The following SORCS2 variants were observed in gnomAD, a reference collection of about 807,000 sequenced individuals.
SORCS2 encodes the protein sortilin related VPS10 domain containing receptor 2, also known as VPS10 domain-containing receptor SorCS2.
In SORCS2, 100 loss-of-function variants were observed where a neutral mutation model predicts 141.6. The observed-to-expected ratio is 0.71, with a 90% CI of 0.60 to 0.83. The LOEUF is 0.83. Among genes scored for constraint, SORCS2 ranks in the 40% least tolerant of loss-of-function variants. SORCS2 has a pLI of 0.00. For synonymous variants in SORCS2, 789 were observed against 676.9 expected (o/e 1.17, Z -2.57); for missense variants, 1,646 against 1,560.2 (o/e 1.05, Z -0.93).
intron 14 of SORCS2, among the ~76,000 whole-genome samples, chr4:7,706,664 G>A (rs1264634743): frequency 1.3e-4 from 20 of 149,602 alleles, no homozygotes; most frequent in Non-Finnish European, 2.7e-4. Flanking sequence ...CCTGGGCAGG[G>A]ATGAGGCTGG....
chr4:7,583,048 G>C (rs1716266515), intron 3 of SORCS2, among the ~76,000 whole-genome samples: 1 of 152,124 alleles, frequency 6.6e-6, no homozygotes, highest in South Asian at 2.1e-4. Context: ...CATTCCTTAG[G>C]ACTTTGGCAA....
chr4:7,254,774 G>A (rs1713734718), intron 1 of SORCS2, among the ~76,000 whole-genome samples: 1 of 152,126 alleles, frequency 6.6e-6, no homozygotes, highest in Non-Finnish European at 1.5e-5. Context: ...CTTGGACCTC[G>A]GGTTCTGCAT....
intron 1 of SORCS2, among the ~76,000 whole-genome samples, chr4:7,205,908 T>C (rs1727705623): frequency 6.6e-6 from 1 of 152,018 alleles, no homozygotes; most frequent in Non-Finnish European, 1.5e-5. Flanking sequence ...TAGCTGGGCA[T>C]GGTGGCAGAC....
intron 19 of SORCS2, 110 bp downstream of exon 19, chr4:7,723,993 C>A: frequency 7.6e-7 from 1 of 1,307,212 alleles, no homozygotes; most frequent in Non-Finnish European, 1.0e-6. Flanking sequence ...CCCTGGTACT[C>A]AGGACGGTGA....
chr4:7,268,941 A>G (rs1244482617), intron 1 of SORCS2, among the ~76,000 whole-genome samples: 1 of 151,810 alleles, frequency 6.6e-6, no homozygotes, highest in Non-Finnish European at 1.5e-5. Flanking sequence ...GGAAGGAGGG[A>G]GGTGGCAGGA....
At chr4:7,322,550 G>C (rs1322102722) in intron 1 of SORCS2, among the ~76,000 whole-genome samples, 1 of 152,160 alleles carries the variant, frequency 6.6e-6, no homozygotes, top group East Asian at 1.9e-4. Flanking sequence ...GGGGTTCACT[G>C]GGTGAATACT....
At chr4:7,445,510 G>A (rs11729625) in intron 2 of SORCS2, among the ~76,000 whole-genome samples, 98,037 of 151,516 alleles carry the variant, frequency 0.65, 33,681 homozygotes, top group East Asian at 0.83. Context: ...CCTGGGGCGC[G>A]GCAGCAGGTC....
chr4:7,568,924 T>C (rs1040885677), intron 3 of SORCS2, among the ~76,000 whole-genome samples: 58 of 151,908 alleles, frequency 3.8e-4, no homozygotes, highest in African/African-American at 1.4e-3. Flanking sequence ...ATCTCAAAGG[T>C]GGTATGGGAA....
intron 12 of SORCS2, among the ~76,000 whole-genome samples, chr4:7,702,182 C>G (rs918179792): frequency 6.6e-6 from 1 of 152,304 alleles, no homozygotes; most frequent in East Asian, 1.9e-4. Flanking sequence ...TCCTCTGTCC[C>G]CTCCTGGGCT....
At chr4:7,730,343 C>T (rs1711565212) in intron 23 of SORCS2, among the ~76,000 whole-genome samples, 1 of 152,162 alleles carries the variant, frequency 6.6e-6, no homozygotes, top group East Asian at 1.9e-4. Context: ...AGCTGCTGTG[C>T]AAAACGGGCT....
rs1257005880 is a variant in SORCS2 at position 7,286,047 on chromosome 4, C to T, written c.480+92921C>T. 6.6e-6 allele frequency among the ~76,000 whole-genome samples: 1 copy of T among 152,210 alleles called. No homozygotes were observed. Among genetic ancestry groups the T allele is most frequent in the African/African-American group, 2.4e-5 (1 of 41,450 alleles). ...AGAGCCAGCTGCCCCGCCGGGGGCT[C>T]CCTGCCTGCCTCCCATCCATCTTCC... On this transcript the variant is annotated intron_variant, in intron 1 of 26. Transcript: ENST00000507866. This position sits in a 1 kb window ranked among gnomAD's most constrained non-coding sequence, Gnocchi z 4.1.
intron 1 of SORCS2, among the ~76,000 whole-genome samples, chr4:7,294,687 C>A (rs1373279830): frequency 7.6e-6 from 1 of 130,882 alleles, no homozygotes; most frequent in Non-Finnish European, 1.7e-5. Flanking sequence ...CCTCCTCCTC[C>A]CCCTCATCCT....
chr4:7,728,003 A>G (rs750122687), intron 21 of SORCS2, among the ~76,000 whole-genome samples: 107 of 152,324 alleles, frequency 7.0e-4, no homozygotes, highest in Non-Finnish European at 1.1e-3. Flanking sequence ...GGCAAATCTC[A>G]CAGAGCAGGC....
chr4:7,275,713 T>C (rs898141268), intron 1 of SORCS2, among the ~76,000 whole-genome samples: 4 of 151,590 alleles, frequency 2.6e-5, no homozygotes, highest in Admixed American at 1.3e-4. Context: ...CTATTCTTAC[T>C]AGTGTTGCAA....
intron 3 of SORCS2, among the ~76,000 whole-genome samples, chr4:7,546,648 G>A (rs976357772): frequency 4.6e-5 from 7 of 152,180 alleles, no homozygotes; most frequent in Non-Finnish European, 7.4e-5. Flanking sequence ...AGGTGCAGCC[G>A]GTGATGGTGG....
At chr4:7,235,925 G>A (rs1254136168) in intron 1 of SORCS2, among the ~76,000 whole-genome samples, 2 of 152,178 alleles carry the variant, frequency 1.3e-5, no homozygotes, top group Admixed American at 6.5e-5. Context: ...AGGTGCGAGT[G>A]TAAGGGTTGC....
At chr4:7,688,069 C>G (rs1484670678) in intron 10 of SORCS2, among the ~76,000 whole-genome samples, 2 of 152,240 alleles carry the variant, frequency 1.3e-5, no homozygotes, top group Non-Finnish European at 2.9e-5. Flanking sequence ...TTATCCAAGT[C>G]AATATCCAAT....
rs917871685 is a variant in SORCS2 at position 7,569,611 on chromosome 4, C to T, written c.648+37982C>T. Among the ~76,000 whole-genome samples the T allele has an allele frequency of 2.6e-5, 4 of 152,328 alleles. No homozygotes were observed. In the East Asian group the frequency reaches 5.8e-4, roughly 22 times the overall value. On this transcript the variant is annotated intron_variant, in intron 3 of 26. Coordinates refer to ENST00000507866, the MANE Select transcript of SORCS2 (RefSeq NM_020777.3). Reference sequence around the variant, plus strand: ...AATAGCCTATCCTATGTGCAGAGAACATGTGTGTGTGGAGGGCACGGGTGC... The same window carrying T: ...AATAGCCTATCCTATGTGCAGAGAATATGTGTGTGTGGAGGGCACGGGTGC...
At chr4:7,489,788 G>A (rs1731207105) in intron 2 of SORCS2, among the ~76,000 whole-genome samples, 1 of 152,172 alleles carries the variant, frequency 6.6e-6, no homozygotes, top group Non-Finnish European at 1.5e-5. Flanking sequence ...CCTGTCAAAA[G>A]CCCTGTTCAT....
Sources: gnomAD v4.1 joint callset for allele counts (sites outside exome capture counted in the v4.1 genomes callset) on GRCh38, gnomAD v4.1.1 for gene constraint, Gnocchi (gnomAD v3.1) non-coding constraint, MANE v1.5 for transcripts, NCBI Gene and HGNC (gene_info 2026-07-23, HGNC 2026-07-21) for gene names.